Variants in TRPM4 observed in about 807,000 individuals in gnomAD.
The protein encoded by TRPM4 is transient receptor potential cation channel subfamily M member 4, also known as calcium-activated non-selective cation channel 1.
A neutral mutation model predicts 135.6 loss-of-function variants in TRPM4; 124 were observed. The ratio of observed to expected loss-of-function variants is 0.91; its 90% CI spans 0.79 to 1.06. The LOEUF (loss-of-function observed/expected upper bound fraction) is 1.06. Ranked by LOEUF, TRPM4 falls within the 50% of genes least tolerant of loss-of-function variation. The pLI is 0.00. For missense variants in TRPM4, 1,658 were observed against 1,671.4 expected, an observed-to-expected ratio of 0.99 and a Z score of 0.14; for synonymous variants, 745 against 705.6, an observed-to-expected ratio of 1.06 and a Z score of -0.88.
chr19:49,163,197 T>C (rs1967033898), intron 2 of TRPM4, among the ~76,000 whole-genome samples: 1 of 84,770 alleles, frequency 1.2e-5, no homozygotes, highest in African/African-American at 3.1e-5. Context: ...TTATTATTAT[T>C]ATTTTTTTTT....
At position 49,211,109 on chromosome 19, in the gene TRPM4, G is replaced by A. The variant is rs771653894; in HGVS notation, c.3534+22G>A. ...GGAGGTGAGGCCTTGGGGCCTGGCT[G>A]GGGGACTGTGGCAGGGGTCCCATCT... On this transcript the variant is annotated intron_variant, in intron 23 of 24. Transcript: ENST00000252826. The surrounding 1 kb of genome is among the most constrained non-coding windows in gnomAD (Gnocchi z 4.8). 6.2e-7 allele frequency: 1 copy of A among 1,613,372 alleles called. No homozygotes were observed. Among genetic ancestry groups the A allele is most frequent in the Non-Finnish European group, 8.5e-7 (1 of 1,179,734 alleles).
chr19:49,207,894 G>A lies in TRPM4; in HGVS notation c.3132-2315G>A, dbSNP rs148154251. On this transcript the variant is annotated intron_variant, in intron 20 of 24. Coordinates refer to ENST00000252826, the MANE Select transcript of TRPM4 (RefSeq NM_017636.4). ...CCTGGGGGACCACTACCACCAAGAC[G>A]TGGAGACCGACAGTGGCCCCTAATG... Among the ~76,000 whole-genome samples the A allele has an allele frequency of 5.4e-3, 817 of 152,110 alleles. 7 individuals carry two copies. The highest frequency in any genetic ancestry group is 0.019 in the African/African-American group (774 of 41,496).
chr19:49,181,527 CTTCTTTT>C, intron 10 of TRPM4, 66 bp downstream of exon 10: 1 of 830,470 alleles, frequency 1.2e-6, no homozygotes, highest in Non-Finnish European at 1.8e-6. Flanking sequence ...CCCTCTCTGC[CTTCTTTT>C]TTTTTTTTTT....
intron 16 of TRPM4, among the ~76,000 whole-genome samples, chr19:49,195,925 T>G (rs947663839): frequency 4.6e-5 from 7 of 151,258 alleles, no homozygotes; most frequent in Non-Finnish European, 1.0e-4. Context: ...TCGCCTAGGC[T>G]GCAGTGCATT....
chr19:49,169,970 T>C (rs1256622221), intron 6 of TRPM4, among the ~76,000 whole-genome samples: 2 of 152,214 alleles, frequency 1.3e-5, no homozygotes, highest in Admixed American at 6.5e-5. Flanking sequence ...CAAATTTTCT[T>C]ATTGATCTTT....
chr19:49,177,571 C>G (rs1381235685), intron 9 of TRPM4, among the ~76,000 whole-genome samples: 4 of 152,068 alleles, frequency 2.6e-5, no homozygotes, highest in Admixed American at 2.6e-4. Context: ...CGTGATCTGC[C>G]TGCCTCGGCC....
chr19:49,205,526 CTTTTTTTTTTT>C (rs576873516), intron 20 of TRPM4, among the ~76,000 whole-genome samples: 10 of 126,980 alleles, frequency 7.9e-5, no homozygotes, highest in East Asian at 2.4e-4. Context: ...ATGACTTCAA[CTTTTTTTTTTT>C]TTTTTTTTTT....
chr19:49,200,816 T>C, intron 19 of TRPM4, 31 bp downstream of exon 19: 1 of 1,611,362 alleles, frequency 6.2e-7, no homozygotes, highest in Non-Finnish European at 8.5e-7. Context: ...ACAGCCTTCC[T>C]CTGAGTCTCT....
chr19:49,190,168 T>G, intron 14 of TRPM4, 40 bp from the exon 15 acceptor site: 4 of 1,565,558 alleles, frequency 2.6e-6, no homozygotes, highest in Non-Finnish European at 2.6e-6. Context: ...GACGGGGCTG[T>G]GGGGGAGATT....
rs752071857 is a variant in TRPM4 at position 49,157,857 on chromosome 19, C to G, written c.-10C>G. ...CCTGGGCTGCAGGAGGTTGCGGCGG[C>G]CGCGGCAGCATGGTGGTGCCGGAGA... On this transcript the variant is annotated 5_prime_UTR_variant, in exon 1 of 25. Transcript: ENST00000252826. The G allele has an allele frequency of 7.2e-6, 11 of 1,534,266 alleles. No homozygotes were observed. Among genetic ancestry groups the G allele is most frequent in the African/African-American group, 1.4e-5 (1 of 72,970 alleles).
chr19:49,177,882 G>A (rs114805214), intron 9 of TRPM4, among the ~76,000 whole-genome samples: 17 of 152,142 alleles, frequency 1.1e-4, no homozygotes, highest in Admixed American at 8.5e-4. Flanking sequence ...TCAGAGGCTC[G>A]CAGGGTTGGT....
At chr19:49,200,871 T>G in intron 19 of TRPM4, 86 bp downstream of exon 19, 1 of 1,414,192 alleles carries the variant, frequency 7.1e-7, no homozygotes, top group Non-Finnish European at 9.8e-7. Context: ...TAAGAAAATA[T>G]CTGTCTCTCT....
chr19:49,174,666 G>C (rs1250965064), intron 9 of TRPM4, among the ~76,000 whole-genome samples: 1 of 151,244 alleles, frequency 6.6e-6, no homozygotes, highest in Non-Finnish European at 1.5e-5. Flanking sequence ...GGTGGCTGAG[G>C]CAGGGGAATC....
rs1967453716 is a variant in TRPM4 at position 49,171,519 on chromosome 19, G to A, written c.859-59G>A. 1 of 1,612,546 alleles carries A rather than the reference G, an allele frequency of 6.2e-7. No individual in the cohort carries two copies. ...GGAGGGTCTGGGGGTCTGACTCCGG[G>A]TAGGGTGAATATCCTGCCTTTTCTG... On this transcript the variant is annotated intron_variant, in intron 7 of 24. Coordinates refer to ENST00000252826, the MANE Select transcript of TRPM4 (RefSeq NM_017636.4). This position sits in a 1 kb window ranked among gnomAD's most constrained non-coding sequence, Gnocchi z 4.7.
chr19:49,177,954 C>T (rs1174014836), intron 9 of TRPM4, among the ~76,000 whole-genome samples: 1 of 152,128 alleles, frequency 6.6e-6, no homozygotes, highest in Non-Finnish European at 1.5e-5. Flanking sequence ...AGGGCCAAAC[C>T]ACCCAGGACC....
chr19:49,183,923 G>A (rs780296668), intron 12 of TRPM4, among the ~76,000 whole-genome samples: 10 of 151,580 alleles, frequency 6.6e-5, no homozygotes, highest in African/African-American at 1.7e-4. Flanking sequence ...ACAGGCGCCC[G>A]CCACCACGCC....
chr19:49,161,323 CTTTTTTTT>C (rs67808134), intron 2 of TRPM4, among the ~76,000 whole-genome samples: 1 of 101,206 alleles, frequency 9.9e-6, no homozygotes, highest in Non-Finnish European at 1.9e-5. Flanking sequence ...GTCTCTCTCT[CTTTTTTTT>C]TTTTTTTTTT....
rs1360427524 is a variant in TRPM4 at position 49,188,823 on chromosome 19, G to A, written c.1873+53G>A. 7 of 1,613,006 alleles carry A rather than the reference G, an allele frequency of 4.3e-6. No homozygotes were observed. The East Asian group carries it at 6.7e-5, about 15-fold the overall frequency. ...GGGACGGGGGCTGCCGCCAGAGGGG[G>A]ATGTGCAACTCCGCACTCCTCACAT... On this transcript the variant is annotated intron_variant, in intron 13 of 24. Transcript: ENST00000252826.
Position 49,210,222 on chromosome 19 carries a change from A to G in TRPM4, c.3145A>G (p.Lys1049Glu), listed in dbSNP as rs748860590. The G allele has an allele frequency of 2.5e-6, 4 of 1,614,232 alleles. No individual in the cohort carries two copies. The highest frequency in any genetic ancestry group is 3.4e-6 in the Non-Finnish European group (4 of 1,180,040). ...LIAMFSYTFGKVQGNSDLYWK... is the reference protein window; with the variant it reads ...LIAMFSYTFGEVQGNSDLYWK... ...TGGCCTTTGCAGTTACACATTCGGC[A>G]AAGTACAGGGCAACAGCGATCTCTA... The change falls in exon 21 of 25, where the codon AAA becomes GAA. Residue 1049 changes from lysine to glutamate, a missense_variant. Physicochemically the swap from Lys to Glu is moderately conservative, Grantham distance 56. Around this residue, in one of 3 missense-constraint regions of TRPM4, gnomAD observed 1,412 missense variants for 1,408.7 expected, o/e 1.00. Coordinates refer to ENST00000252826, the MANE Select transcript of TRPM4 (RefSeq NM_017636.4). The surrounding 1 kb of genome is among the most constrained non-coding windows in gnomAD (Gnocchi z 4.1).
Sources: allele counts gnomAD v4.1 joint callset (sites outside exome capture counted in the v4.1 genomes callset), GRCh38; gene constraint gnomAD v4.1.1; regional missense constraint gnomAD v4.1.1; non-coding constraint Gnocchi (gnomAD v3.1); transcripts MANE v1.5; gene names NCBI Gene and HGNC (gene_info 2026-07-23, HGNC 2026-07-21).